The following FRMPD2 variants were observed in gnomAD, a reference collection of about 807,000 sequenced individuals.
FRMPD2 encodes FERM and PDZ domain containing 2.
Under a neutral mutation model 140.1 loss-of-function variants are expected in FRMPD2, and 96 were observed. That is an observed-to-expected ratio of 0.69 (90% confidence interval 0.58 to 0.81). The LOEUF (loss-of-function observed/expected upper bound fraction) is 0.81. FRMPD2 is among the 40% of genes least tolerant of loss of function. The pLI is 0.00. For synonymous variants in FRMPD2, 449 were observed against 547.6 expected, an observed-to-expected ratio of 0.82 and a Z score of 2.52; for missense variants, 1,240 against 1,447.4, an observed-to-expected ratio of 0.86 and a Z score of 2.32.
At chr10:48,264,079 T>C (rs183005395) in intron 1 of FRMPD2, among the ~76,000 whole-genome samples, 3 of 151,610 alleles carry the variant, frequency 2.0e-5, no homozygotes, top group Admixed American at 6.6e-5. Context: ...TTTAACAAAA[T>C]CCAACAGCAA....
At chr10:48,166,407 C>T (rs1470680140) in intron 27 of FRMPD2, among the ~76,000 whole-genome samples, 199 of 95,070 alleles carry the variant, frequency 2.1e-3, no homozygotes, top group African/African-American at 7.8e-3. Flanking sequence ...CTCCTTTAGT[C>T]CCTGTGCACC....
chr10:48,200,751 G>A (rs961265400), intron 15 of FRMPD2, among the ~76,000 whole-genome samples: 2 of 152,088 alleles, frequency 1.3e-5, no homozygotes, highest in African/African-American at 2.4e-5. Context: ...TATCATCATT[G>A]TCCAAAAACT....
chr10:48,192,644 A>T, intron 16 of FRMPD2, 40 bp downstream of exon 16: 1 of 1,513,838 alleles, frequency 6.6e-7, no homozygotes, highest in African/African-American at 1.4e-5. Context: ...CATCAAGCAC[A>T]TGGTGGTTTG....
intron 12 of FRMPD2, among the ~76,000 whole-genome samples, chr10:48,217,297 C>T (rs570948862): frequency 1.3e-5 from 2 of 152,320 alleles, no homozygotes; most frequent in African/African-American, 4.8e-5. Context: ...AACACCCTTA[C>T]CCTCAGGTGT....
chr10:48,171,381 A>G (rs1275730069), intron 25 of FRMPD2, among the ~76,000 whole-genome samples, 173 bp from the exon 26 acceptor site: 1 of 151,824 alleles, frequency 6.6e-6, no homozygotes, highest in South Asian at 2.1e-4. Flanking sequence ...GTGCTGTCCA[A>G]TAAAATATAA....
At chr10:48,214,416 T>C (rs1274410571) in intron 12 of FRMPD2, among the ~76,000 whole-genome samples, 1 of 152,224 alleles carries the variant, frequency 6.6e-6, no homozygotes, top group Non-Finnish European at 1.5e-5. Context: ...CAGTGTAAAC[T>C]ATGAGCTCTC....
chr10:48,179,762 C>A (rs1359985949), intron 21 of FRMPD2, among the ~76,000 whole-genome samples: 3 of 152,116 alleles, frequency 2.0e-5, no homozygotes, highest in African/African-American at 7.2e-5. Flanking sequence ...ATCATTATCT[C>A]CATCATAAAA....
intron 13 of FRMPD2, among the ~76,000 whole-genome samples, chr10:48,210,471 A>T (rs1839294675): frequency 6.6e-6 from 1 of 152,216 alleles, no homozygotes; most frequent in African/African-American, 2.4e-5. Context: ...ATCAGCACTC[A>T]AAGTCAGGGT....
chr10:48,210,101 G>A (rs377295615), intron 13 of FRMPD2, among the ~76,000 whole-genome samples: 2 of 152,132 alleles, frequency 1.3e-5, no homozygotes, highest in East Asian at 3.9e-4. Context: ...AGAATTATGA[G>A]GAAATGTTTA....
At chr10:48,233,010 T>A (rs1481150818) in intron 9 of FRMPD2, among the ~76,000 whole-genome samples, 1 of 152,204 alleles carries the variant, frequency 6.6e-6, no homozygotes. Flanking sequence ...CCTCCCCATG[T>A]GGCAAACTCT....
At chr10:48,233,503 G>T (rs775232706) in intron 9 of FRMPD2, among the ~76,000 whole-genome samples, 22 of 152,178 alleles carry the variant, frequency 1.4e-4, no homozygotes, top group Non-Finnish European at 2.8e-4. Flanking sequence ...TTCCCTTGCA[G>T]AAATCCCAGC....
At chr10:48,243,428 A>G (rs1226283738) in intron 4 of FRMPD2, among the ~76,000 whole-genome samples, 1 of 152,234 alleles carries the variant, frequency 6.6e-6, no homozygotes, top group Non-Finnish European at 1.5e-5. Context: ...GATTATGAGC[A>G]GGACAGGGGC....
intron 13 of FRMPD2, among the ~76,000 whole-genome samples, chr10:48,211,355 C>T (rs965410711): frequency 6.6e-6 from 1 of 152,238 alleles, no homozygotes; most frequent in African/African-American, 2.4e-5. Flanking sequence ...AGGACTGCTG[C>T]CTGCAGGGCT....
chr10:48,237,810 T>C (rs1840004525), intron 8 of FRMPD2, among the ~76,000 whole-genome samples, 181 bp downstream of exon 8: 2 of 152,284 alleles, frequency 1.3e-5, no homozygotes, highest in South Asian at 4.1e-4. Flanking sequence ...GTGAGGCTAC[T>C]CAGTGAATGC....
rs758756859 is a variant in FRMPD2 at position 48,242,180 on chromosome 10, A to G, written c.548T>C (p.Val183Ala). Residue 183 changes from valine to alanine, a missense_variant, in exon 5 of 29, where the codon GTT becomes GCT. By Grantham distance (64) the Val-to-Ala change is moderately conservative (BLOSUM62 0). This residue lies in a region of FRMPD2 where 1,161 missense variants were observed against 1,055.9 expected (regional missense o/e 1.10). Coordinates refer to ENST00000374201, the MANE Select transcript of FRMPD2 (RefSeq NM_001018071.4). ...GLHIRRLVGL[V>A]LGTISEVEKR... Reference sequence around the variant, plus strand: ...ACTGACCTCAGAAATGGTACCCAGAACCAAGCCAACCAGCCTTCTGATGTG... The same window carrying G: ...ACTGACCTCAGAAATGGTACCCAGAGCCAAGCCAACCAGCCTTCTGATGTG... 55 of 1,613,370 alleles carry G rather than the reference A, an allele frequency of 3.4e-5. No individual in the cohort carries two copies. Among genetic ancestry groups the G allele is most frequent in the Non-Finnish European group, 4.3e-5 (51 of 1,179,594 alleles).
At chr10:48,255,284 G>A (rs930583739) in intron 1 of FRMPD2, among the ~76,000 whole-genome samples, 2 of 152,214 alleles carry the variant, frequency 1.3e-5, no homozygotes, top group African/African-American at 4.8e-5. Flanking sequence ...TTTCCAGGCT[G>A]AGGAGCATCC....
At chr10:48,204,850 A>T (rs1839170223) in intron 14 of FRMPD2, among the ~76,000 whole-genome samples, 1 of 152,216 alleles carries the variant, frequency 6.6e-6, no homozygotes, top group Non-Finnish European at 1.5e-5. Flanking sequence ...TAGCATGCAT[A>T]GGTTTATTGT....
intron 1 of FRMPD2, among the ~76,000 whole-genome samples, chr10:48,252,740 A>T (rs1238157387): frequency 6.6e-6 from 1 of 152,210 alleles, no homozygotes; most frequent in Admixed American, 6.5e-5. Flanking sequence ...GTCACTTATC[A>T]CAAGGAGTCT....
At chr10:48,192,283 C>T (rs940871487) in intron 16 of FRMPD2, among the ~76,000 whole-genome samples, 1 of 152,092 alleles carries the variant, frequency 6.6e-6, no homozygotes, top group Non-Finnish European at 1.5e-5. Context: ...CATCTAACAT[C>T]GTTTAAACAA....
Sources: gnomAD v4.1 joint callset for allele counts (sites outside exome capture counted in the v4.1 genomes callset) on GRCh38, gnomAD v4.1.1 for gene constraint, gnomAD v4.1.1 regional missense constraint, MANE v1.5 for transcripts, NCBI Gene and HGNC (gene_info 2026-07-23, HGNC 2026-07-21) for gene names.